CHD1L: variants seen among roughly 807,000 people sequenced by gnomAD.
CHD1L encodes the protein ATP-dependent chromatin remodeler CHD1L.
In CHD1L, 118 loss-of-function variants were observed where a neutral mutation model predicts 115.9. That is an observed-to-expected ratio of 1.02 (90% CI 0.88 to 1.19). The LOEUF (loss-of-function observed/expected upper bound fraction) is 1.19, where lower values mean the gene tolerates loss of function less well. Among genes scored for constraint, CHD1L ranks in the 50% most tolerant of loss-of-function variants. The pLI, the probability that CHD1L is intolerant of heterozygous loss-of-function variation, is 0.00. For synonymous variants in CHD1L, 411 were observed against 387.1 expected, an observed-to-expected ratio of 1.06 and a Z score of -0.72; for missense variants, 1,179 against 1,065.3, an observed-to-expected ratio of 1.11 and a Z score of -1.49.
intron 21 of CHD1L, among the ~76,000 whole-genome samples, chr1:147,294,154 A>G (rs1445810556): frequency 3.9e-5 from 6 of 152,188 alleles, no homozygotes; most frequent in Admixed American, 1.3e-4. Flanking sequence ...TTGTTAGAGA[A>G]TCTTTGCTTA....
At chr1:147,259,126 T>C (rs1170518634) in intron 5 of CHD1L, 1 of 152,376 alleles carries the variant, frequency 6.6e-6, no homozygotes, top group East Asian at 1.9e-4. Flanking sequence ...TTTCTGTATT[T>C]TGAATTTTTC....
the CHD1L span, among the ~76,000 whole-genome samples, chr1:147,218,064 A>C: frequency 1.3e-5 from 2 of 152,232 alleles, no homozygotes; most frequent in Admixed American, 1.3e-4. Flanking sequence ...TCTCAAAAAG[A>C]CTTCAATAAG....
At chr1:147,222,292 C>A in the CHD1L span, among the ~76,000 whole-genome samples, 665 of 152,230 alleles carry the variant, frequency 4.4e-3, 5 homozygotes, top group African/African-American at 0.015. Context: ...CACTTGAACC[C>A]AGGAGGCAGA....
intron 19 of CHD1L, among the ~76,000 whole-genome samples, chr1:147,290,229 G>A (rs1264233334): frequency 1.3e-5 from 2 of 151,424 alleles, no homozygotes; most frequent in East Asian, 2.0e-4. Context: ...TACCACAGGC[G>A]CACACCACCA....
chr1:147,204,569 C>T, the CHD1L span: 5 of 1,589,042 alleles, frequency 3.1e-6, no homozygotes, highest in Non-Finnish European at 4.3e-6. Flanking sequence ...ACTGACAGGC[C>T]AATCCTCAGA....
At chr1:147,270,719 G>C (rs1480439618) in intron 10 of CHD1L, among the ~76,000 whole-genome samples, 1 of 152,126 alleles carries the variant, frequency 6.6e-6, no homozygotes, top group African/African-American at 2.4e-5. Flanking sequence ...TCTAGTTTGA[G>C]GATGACTGCT....
the CHD1L span, among the ~76,000 whole-genome samples, chr1:147,194,653 T>C: frequency 2.6e-5 from 4 of 152,148 alleles, no homozygotes; most frequent in African/African-American, 9.7e-5. Flanking sequence ...TACCGGTTGT[T>C]CCTTTCCATG....
chr1:147,262,643 C>T (rs1047390154), intron 6 of CHD1L, among the ~76,000 whole-genome samples: 13 of 151,208 alleles, frequency 8.6e-5, no homozygotes, highest in Non-Finnish European at 1.5e-4. Flanking sequence ...TGAAATACTA[C>T]AAAAACATCA....
the CHD1L span, among the ~76,000 whole-genome samples, chr1:147,181,078 T>TA: frequency 1.3e-5 from 2 of 152,196 alleles, no homozygotes; most frequent in Non-Finnish European, 2.9e-5. Flanking sequence ...TCGCCATACC[T>TA]AAAAAATAAA....
chr1:147,218,880 T>A, the CHD1L span, among the ~76,000 whole-genome samples: 1 of 152,214 alleles, frequency 6.6e-6, no homozygotes, highest in Non-Finnish European at 1.5e-5. Context: ...ACAAGACTTT[T>A]CTAATTTCTC....
chr1:147,275,528 G>T, intron 13 of CHD1L, 60 bp downstream of exon 13: 1 of 1,347,574 alleles, frequency 7.4e-7, no homozygotes. Context: ...TTGTGAAAAA[G>T]GTGAAGAATA....
At chr1:147,271,042 G>A in intron 11 of CHD1L, 37 bp downstream of exon 11, 3 of 1,534,464 alleles carry the variant, frequency 2.0e-6, no homozygotes, top group South Asian at 2.2e-5. Context: ...CTAAGGCTCT[G>A]TTAGACTTAA....
At chr1:147,244,832 T>A (rs1160164128) in intron 1 of CHD1L, among the ~76,000 whole-genome samples, 4 of 152,116 alleles carry the variant, frequency 2.6e-5, no homozygotes, top group African/African-American at 9.7e-5. Flanking sequence ...AACATAAATA[T>A]CCTTGTAACC....
At chr1:147,286,808 C>T (rs916559747) in intron 18 of CHD1L, among the ~76,000 whole-genome samples, 1 of 152,128 alleles carries the variant, frequency 6.6e-6, no homozygotes, top group Non-Finnish European at 1.5e-5. Context: ...ACAAACAAAT[C>T]CTTTGAGAAA....
At chr1:147,204,693 A>G in the CHD1L span, 6 of 1,555,466 alleles carry the variant, frequency 3.9e-6, no homozygotes, top group Non-Finnish European at 2.7e-6. Context: ...TTGCAGCAGG[A>G]TGCTGTACTT....
At chr1:147,248,037 A>T (rs587719482) in intron 1 of CHD1L, among the ~76,000 whole-genome samples, 1 of 152,214 alleles carries the variant, frequency 6.6e-6, no homozygotes, top group African/African-American at 2.4e-5. Flanking sequence ...CTTTTGCCAT[A>T]TAAGGTCACA....
chr1:147,211,946 A>G, the CHD1L span, among the ~76,000 whole-genome samples: 2 of 152,224 alleles, frequency 1.3e-5, no homozygotes, highest in Admixed American at 6.5e-5. Context: ...GGAAAATTCA[A>G]GCACCATCCT....
intron 1 of CHD1L, among the ~76,000 whole-genome samples, chr1:147,249,959 A>G (rs376785038): frequency 4.6e-5 from 7 of 152,048 alleles, no homozygotes; most frequent in African/African-American, 1.4e-4. Flanking sequence ...TGTAGAGTTC[A>G]CTGATTCTTT....
chr1:147,179,169 C>A, the CHD1L span: 1 of 1,613,880 alleles, frequency 6.2e-7, no homozygotes, highest in Non-Finnish European at 8.5e-7. Context: ...TGGAGAGGTT[C>A]CTGCAGGATT....
Sources: gnomAD v4.1 joint callset for allele counts (sites outside exome capture counted in the v4.1 genomes callset) on GRCh38, gnomAD v4.1.1 for gene constraint, MANE v1.5 for transcripts, NCBI Gene and HGNC (gene_info 2026-07-23, HGNC 2026-07-21) for gene names.